EYA2: variants seen among roughly 807,000 people sequenced by gnomAD.
The protein encoded by EYA2 is EYA transcriptional coactivator and phosphatase 2.
In EYA2, 31 loss-of-function variants were observed where a neutral mutation model predicts 69.2. The observed-to-expected ratio is 0.45, with a 90% CI of 0.34 to 0.60. The LOEUF (loss-of-function observed/expected upper bound fraction) is 0.60, where lower values mean the gene tolerates loss of function less well. Ranked by LOEUF, EYA2 falls within the 20% of genes least tolerant of loss-of-function variation. EYA2 has a pLI of 0.02. For synonymous variants in EYA2, 257 were observed against 279.4 expected (o/e 0.92, Z 0.80); for missense variants, 622 against 701.2 (o/e 0.89, Z 1.28).
intron 1 of EYA2, among the ~76,000 whole-genome samples, chr20:46,943,526 T>C (rs974174208): frequency 3.3e-5 from 5 of 152,206 alleles, no homozygotes; most frequent in African/African-American, 9.7e-5. Flanking sequence ...CTGTTGGATG[T>C]TGAATGAATA....
At chr20:47,125,778 G>A (rs894132231) in intron 9 of EYA2, among the ~76,000 whole-genome samples, 7 of 152,174 alleles carry the variant, frequency 4.6e-5, no homozygotes, top group African/African-American at 1.7e-4. Flanking sequence ...TTGTGGCAGA[G>A]TAATTATTTG....
chr20:47,170,991 T>C (rs184096511), intron 11 of EYA2, among the ~76,000 whole-genome samples: 150 of 152,320 alleles, frequency 9.8e-4, no homozygotes, highest in African/African-American at 3.5e-3. Context: ...TTCATTTTAA[T>C]CAGCCATTCG....
At chr20:47,145,883 A>G (rs1215101241) in intron 10 of EYA2, among the ~76,000 whole-genome samples, 2 of 151,800 alleles carry the variant, frequency 1.3e-5, no homozygotes, top group Non-Finnish European at 2.9e-5. Context: ...CCTGGGCGAC[A>G]GATTGAAACT....
chr20:46,940,537 T>C (rs768945204), intron 1 of EYA2, among the ~76,000 whole-genome samples: 65 of 152,194 alleles, frequency 4.3e-4, no homozygotes, highest in Non-Finnish European at 9.1e-4. Context: ...AGAGGCCACA[T>C]ATCTATGCCA....
rs376424385 is a variant in EYA2, at chr20:46,945,966, G to C, written c.-10-44035G>C. The stretch of plus-strand genomic sequence containing the variant: ...CTTGCAGTTTGGTATGTGGGATCCG[G>C]TGTGCCTGGGATGAGAGCACACTCG... On this transcript the variant is annotated intron_variant, in intron 1 of 15. Coordinates refer to ENST00000327619, the MANE Select transcript of EYA2 (RefSeq NM_005244.5). 1.9e-4 allele frequency among the ~76,000 whole-genome samples: 29 copies of C among 152,334 alleles called. No homozygotes were observed. In the South Asian group the frequency reaches 5.8e-3, roughly 30 times the overall value.
At chr20:46,962,828 CTG>C (rs1202472121) in intron 1 of EYA2, among the ~76,000 whole-genome samples, 11 of 152,254 alleles carry the variant, frequency 7.2e-5, no homozygotes, top group Non-Finnish European at 2.9e-5. Flanking sequence ...CACAGCTGGA[CTG>C]TGGGTTTCTA....
At chr20:47,150,962 G>C (rs1326862155) in intron 10 of EYA2, among the ~76,000 whole-genome samples, 6 of 152,020 alleles carry the variant, frequency 3.9e-5, no homozygotes, top group Non-Finnish European at 8.8e-5. Context: ...TAATAAAGGG[G>C]GAAGTGAATT....
At chr20:47,176,076 CTTT>C (rs35654076) in intron 12 of EYA2, among the ~76,000 whole-genome samples, 16,612 of 112,500 alleles carry the variant, frequency 0.15, 2,845 homozygotes, top group African/African-American at 0.46. Flanking sequence ...CACTTAAATT[CTTT>C]TTTTTTTTTT....
chr20:47,161,656 C>T, intron 10 of EYA2: 1 of 194,474 alleles, frequency 5.1e-6, no homozygotes, highest in South Asian at 8.1e-5. Context: ...CCACAGAAGC[C>T]ACCGTGGTTC....
intron 9 of EYA2, among the ~76,000 whole-genome samples, chr20:47,126,132 C>T (rs557258414): frequency 6.6e-6 from 1 of 152,334 alleles, no homozygotes; most frequent in Admixed American, 6.5e-5. Flanking sequence ...ACAAGCCCAG[C>T]CCAAATGCAG....
chr20:47,078,563 G>A (rs758296493), intron 7 of EYA2, among the ~76,000 whole-genome samples: 10 of 152,208 alleles, frequency 6.6e-5, no homozygotes, highest in Non-Finnish European at 1.5e-4. Context: ...CTCGCCACAG[G>A]ACACTCTGCA....
chr20:47,108,804 C>G (rs766926906), intron 9 of EYA2, among the ~76,000 whole-genome samples: 3 of 152,082 alleles, frequency 2.0e-5, no homozygotes, highest in South Asian at 2.1e-4. Context: ...ATCCTCCCCC[C>G]TCAGCTTTCC....
At chr20:46,921,666 A>G (rs1252525256) in intron 1 of EYA2, among the ~76,000 whole-genome samples, 5 of 152,194 alleles carry the variant, frequency 3.3e-5, no homozygotes, top group African/African-American at 9.7e-5. Flanking sequence ...TGCTAAACTC[A>G]TAGAATGTAG....
intron 1 of EYA2, among the ~76,000 whole-genome samples, chr20:46,940,842 A>AGAGGGGAACAGTGCTTGCCATCC (rs1491209369): frequency 1.3e-5 from 2 of 152,182 alleles, no homozygotes; most frequent in Non-Finnish European, 2.9e-5. Flanking sequence ...CACAGCTGTC[A>AGAGGGGAACAGTGCTTGCCATCC]GAGGGGAACA....
At chr20:47,077,870 A>T (rs1328872202) in intron 7 of EYA2, among the ~76,000 whole-genome samples, 3 of 152,172 alleles carry the variant, frequency 2.0e-5, no homozygotes, top group Admixed American at 2.0e-4. Context: ...TGATTTTCAG[A>T]ATGTGGTTCT....
At chr20:47,073,282 G>T (rs2031383174) in intron 6 of EYA2, among the ~76,000 whole-genome samples, 1 of 152,112 alleles carries the variant, frequency 6.6e-6, no homozygotes, top group Admixed American at 6.5e-5. Flanking sequence ...AATTGGGATC[G>T]CTGGTCTGCT....
At chr20:47,082,196 T>C (rs1227025899) in intron 7 of EYA2, among the ~76,000 whole-genome samples, 1 of 152,172 alleles carries the variant, frequency 6.6e-6, no homozygotes. Flanking sequence ...TGAAAATATA[T>C]TTAAGAACTC....
intron 5 of EYA2, among the ~76,000 whole-genome samples, chr20:47,068,259 AAATG>A (rs1398967232): frequency 2.0e-5 from 3 of 152,360 alleles, no homozygotes; most frequent in African/African-American, 7.2e-5. Context: ...TGGAATGAAT[AAATG>A]AATGCATGCA....
intron 7 of EYA2, among the ~76,000 whole-genome samples, chr20:47,079,212 G>A (rs181653810): frequency 1.7e-4 from 26 of 152,254 alleles, no homozygotes; most frequent in African/African-American, 6.3e-4. Context: ...GAAATGTTTG[G>A]AGACTGTATC....
Sources: allele counts gnomAD v4.1 joint callset (sites outside exome capture counted in the v4.1 genomes callset), GRCh38; gene constraint gnomAD v4.1.1; transcripts MANE v1.5; gene names NCBI Gene and HGNC (gene_info 2026-07-23, HGNC 2026-07-21).